The following C9orf85 variants were observed in gnomAD, a reference collection of about 807,000 sequenced individuals.
C9orf85 encodes chromosome 9 open reading frame 85.
A neutral mutation model predicts 14.9 loss-of-function variants in C9orf85; 16 were observed. That is an observed-to-expected ratio of 1.08 (90% confidence interval 0.73 to 1.63). The LOEUF (loss-of-function observed/expected upper bound fraction) is 1.63. Among genes scored for constraint, C9orf85 ranks in the 40% most tolerant of loss-of-function variants. The probability of loss-of-function intolerance (pLI) is 0.00; values close to 1 mark genes in which losing one functional copy is unlikely to be tolerated. For synonymous variants in C9orf85, 45 were observed against 56.8 expected (o/e 0.79, Z 0.93); for missense variants, 172 against 186.1 (o/e 0.92, Z 0.44).
At chr9:71,914,327 G>A (rs7042253) in intron 1 of C9orf85, among the ~76,000 whole-genome samples, 139,621 of 150,108 alleles carry the variant, frequency 0.93, 65,447 homozygotes, top group East Asian at 1. Flanking sequence ...ATTTTTTTGT[G>A]ATTTTTTTTT....
In C9orf85 at chr9:71,958,292, C is replaced by A. The variant is rs539638874; in HGVS notation, c.209+11180C>A. ...TTTTTTTTTTTTTGAGACGGAGTTT[C>A]GCTCTTGTTGCCCAGACTGGAGTGC... On this transcript the variant is annotated intron_variant, in intron 2 of 3. Coordinates refer to ENST00000334731, the MANE Select transcript of C9orf85 (RefSeq NM_182505.5). Among the ~76,000 whole-genome samples the A allele has an allele frequency of 8.8e-5, 13 of 147,422 alleles. No individual in the cohort carries two copies. In the East Asian group the frequency reaches 1.8e-3, roughly 20 times the overall value.
chr9:71,956,922 T>C (rs928990511), intron 2 of C9orf85, among the ~76,000 whole-genome samples: 4 of 151,998 alleles, frequency 2.6e-5, no homozygotes, highest in Admixed American at 6.6e-5. Context: ...AGAAACAGTA[T>C]AGAATGTAAA....
chr9:71,976,519 G>A (rs372650867), downstream of C9orf85, among the ~76,000 whole-genome samples: 12 of 152,134 alleles, frequency 7.9e-5, no homozygotes, highest in South Asian at 1.2e-3. Flanking sequence ...AAAATTAGCC[G>A]GGCGTGGTGG....
chr9:71,985,529 T>A (rs2132385088), downstream of C9orf85: 1 of 152,376 alleles, frequency 6.6e-6, no homozygotes, highest in South Asian at 2.1e-4. Flanking sequence ...CAATCTGTGT[T>A]TGAAACGCGA....
At chr9:71,942,203 A>T (rs1171938086) in intron 1 of C9orf85, among the ~76,000 whole-genome samples, 1 of 152,222 alleles carries the variant, frequency 6.6e-6, no homozygotes, top group South Asian at 2.1e-4. Flanking sequence ...ACTGGCCTAC[A>T]TTGAGAACCA....
At chr9:71,959,904 G>T (rs1057199435) in intron 2 of C9orf85, among the ~76,000 whole-genome samples, 1 of 152,188 alleles carries the variant, frequency 6.6e-6, no homozygotes, top group Admixed American at 6.5e-5. Flanking sequence ...AGGAAACTGC[G>T]TTCAATTTGC....
At chr9:71,938,592 A>T (rs550257338) in intron 1 of C9orf85, among the ~76,000 whole-genome samples, 1 of 152,116 alleles carries the variant, frequency 6.6e-6, no homozygotes, top group South Asian at 2.1e-4. Flanking sequence ...CCATACATGT[A>T]AACTCTTTTT....
chr9:71,936,501 T>C (rs1326618857), intron 1 of C9orf85, among the ~76,000 whole-genome samples: 3 of 152,098 alleles, frequency 2.0e-5, no homozygotes, highest in African/African-American at 7.2e-5. Flanking sequence ...GATAAAGTGA[T>C]TGGCATTCAA....
intron 3 of C9orf85, among the ~76,000 whole-genome samples, chr9:71,981,255 A>G (rs563062474): frequency 1.3e-5 from 2 of 152,362 alleles, no homozygotes; most frequent in African/African-American, 4.8e-5. Context: ...TGCTTGGACC[A>G]GCATCTAACC....
At chr9:71,916,472 G>A (rs1296664214) in intron 1 of C9orf85, among the ~76,000 whole-genome samples, 1 of 151,608 alleles carries the variant, frequency 6.6e-6, no homozygotes, top group African/African-American at 2.4e-5. Context: ...TCAATGTTTT[G>A]CAGTTAAAAA....
At chr9:71,977,615 T>C (rs1014616023), downstream of C9orf85, among the ~76,000 whole-genome samples, 32 of 152,326 alleles carry the variant, frequency 2.1e-4, no homozygotes, top group Non-Finnish European at 2.5e-4. Context: ...AACTTTTTTC[T>C]TAAGTGAAAT....
At chr9:71,911,949 G>A (rs1409365677) in intron 1 of C9orf85, 113 bp downstream of exon 1, 1 of 910,404 alleles carries the variant, frequency 1.1e-6, no homozygotes, top group East Asian at 2.4e-5. Context: ...GCAGCCCAGA[G>A]TTAGTCTTGG....
chr9:71,931,407 CTG>C lies in C9orf85; in HGVS notation c.103-15597_103-15596del, dbSNP rs372662227. Among the ~76,000 whole-genome samples, 701 of 152,244 alleles carry C rather than the reference CTG, an allele frequency of 4.6e-3. 3 individuals are homozygous for C. The highest frequency in any genetic ancestry group is 0.016 in the African/African-American group (673 of 41,542). ...CTAAACAGTGTTTAGTCTGTAAACA[CTG>C]TATGTTTCAAAGCTTTCTTTAAGTC... On this transcript the variant is annotated intron_variant, in intron 1 of 3. Coordinates refer to ENST00000334731, the MANE Select transcript of C9orf85 (RefSeq NM_182505.5).
chr9:71,929,675 G>A (rs1478932919), intron 1 of C9orf85, among the ~76,000 whole-genome samples: 1 of 151,770 alleles, frequency 6.6e-6, no homozygotes, highest in Non-Finnish European at 1.5e-5. Context: ...TGTTATTCTA[G>A]GAACAAGCCA....
rs928749462 is a variant in C9orf85, at chr9:71,935,390, A to G, written c.103-11616A>G. Among the ~76,000 whole-genome samples, 8 of 152,210 alleles carry G rather than the reference A, an allele frequency of 5.3e-5. 1 individual carries two copies. The highest frequency in any genetic ancestry group is 2.6e-4 in the Admixed American group (4 of 15,276). On this transcript the variant is annotated intron_variant, in intron 1 of 3. Transcript: ENST00000334731. The stretch of plus-strand genomic sequence containing the variant: ...TCCATCTAGGGAAGAGTAGATAAGC[A>G]AAATATGTTATATACATACAGTGTA...
chr9:71,946,826 T>G (rs780724182), intron 1 of C9orf85, among the ~76,000 whole-genome samples, 180 bp from the exon 2 acceptor site: 20 of 151,802 alleles, frequency 1.3e-4, no homozygotes, highest in Non-Finnish European at 2.5e-4. Flanking sequence ...AACGATTGCC[T>G]TTGTAAGAAA....
intron 1 of C9orf85, 156 bp downstream of exon 1, chr9:71,911,992 C>G (rs762189651): frequency 5.6e-6 from 4 of 712,038 alleles, no homozygotes; most frequent in Middle Eastern, 2.8e-4. Flanking sequence ...ATGTTATTCT[C>G]ACGCCCTTTC....
intron 2 of C9orf85, among the ~76,000 whole-genome samples, chr9:71,966,039 A>G (rs543341280): frequency 6.6e-6 from 1 of 152,336 alleles, no homozygotes; most frequent in South Asian, 2.1e-4. Flanking sequence ...ACAATAGCTG[A>G]GTCTTGGCCA....
In C9orf85 at chr9:71,917,625, A is replaced by T. The variant is rs368367830; in HGVS notation, c.102+5789A>T. 4.0e-3 allele frequency among the ~76,000 whole-genome samples: 603 copies of T among 152,114 alleles called. 2 individuals carry two copies. The highest frequency in any genetic ancestry group is 0.014 in the African/African-American group (575 of 41,508). ...CAATGGAATACTACTCTGCTATTTT[A>T]AAAAAAAGAAAAACTGATACAAGCA... On this transcript the variant is annotated intron_variant, in intron 1 of 3. Coordinates refer to ENST00000334731, the MANE Select transcript of C9orf85 (RefSeq NM_182505.5).
Sources: allele counts gnomAD v4.1 joint callset (sites outside exome capture counted in the v4.1 genomes callset), GRCh38; gene constraint gnomAD v4.1.1; transcripts MANE v1.5; gene names NCBI Gene and HGNC (gene_info 2026-07-23, HGNC 2026-07-21).